The following DYNC1I1 variants were observed in gnomAD, a reference collection of about 807,000 sequenced individuals.
DYNC1I1 encodes the protein cytoplasmic dynein 1 intermediate chain 1.
Under a neutral mutation model 86.6 loss-of-function variants are expected in DYNC1I1, and 43 were observed. The observed-to-expected ratio is 0.50, with a 90% confidence interval of 0.39 to 0.64. The LOEUF is 0.64. DYNC1I1 is among the 30% of genes least tolerant of loss of function. The pLI is 0.00. For missense variants in DYNC1I1, 604 were observed against 788.8 expected, an observed-to-expected ratio of 0.77 and a Z score of 2.81; for synonymous variants, 262 against 283.7, an observed-to-expected ratio of 0.92 and a Z score of 0.77.
chr7:95,959,758 G>T (rs1199170524), intron 6 of DYNC1I1, among the ~76,000 whole-genome samples: 1 of 152,080 alleles, frequency 6.6e-6, no homozygotes, highest in Admixed American at 6.5e-5. Flanking sequence ...GTTAAATGGT[G>T]CTATTAATAG....
At chr7:95,824,144 C>G (rs1037047161) in intron 4 of DYNC1I1, among the ~76,000 whole-genome samples, 5 of 150,890 alleles carry the variant, frequency 3.3e-5, no homozygotes, top group African/African-American at 1.2e-4. Context: ...GCGAGCACCA[C>G]CATACCCGGC....
chr7:95,955,828 C>A (rs1562955270), intron 6 of DYNC1I1, among the ~76,000 whole-genome samples: 2 of 152,274 alleles, frequency 1.3e-5, no homozygotes, highest in African/African-American at 2.4e-5. Flanking sequence ...ACTCTTAATG[C>A]ATGTTAAGGA....
At chr7:96,039,864 C>T (rs1348985383) in intron 14 of DYNC1I1, among the ~76,000 whole-genome samples, 7 of 151,516 alleles carry the variant, frequency 4.6e-5, no homozygotes, top group African/African-American at 7.3e-5. Flanking sequence ...TTGTTTGGTT[C>T]GTTGATTGGT....
At position 96,098,307 on chromosome 7, in the gene DYNC1I1, T is replaced by C. The variant is rs909719434; in HGVS notation, c.*714T>C. ...TAATGCCTATTATTTCTGGGTACTT[T>C]AACAATATTTCAAATATCATTGACC... is the stretch of plus-strand genomic sequence containing the variant. On this transcript the variant is annotated 3_prime_UTR_variant, in exon 17 of 17. Transcript: ENST00000447467. 5.1e-6 allele frequency: 5 copies of C among 985,760 alleles called. No homozygotes were observed. The highest frequency in any genetic ancestry group is 6.0e-6 in the Non-Finnish European group (5 of 829,946). 61.1% of individuals were successfully genotyped at this position (985,760 alleles called of 1,614,324 possible).
intron 10 of DYNC1I1, among the ~76,000 whole-genome samples, chr7:96,008,124 A>C (rs1794187315): frequency 6.6e-6 from 1 of 152,210 alleles, no homozygotes; most frequent in African/African-American, 2.4e-5. Flanking sequence ...CATATGTTTA[A>C]TTTGAGTAAC....
intron 1 of DYNC1I1, among the ~76,000 whole-genome samples, chr7:95,791,493 T>C (rs1794301125): frequency 6.6e-6 from 1 of 152,216 alleles, no homozygotes; most frequent in Non-Finnish European, 1.5e-5. Context: ...TTTTTAGACA[T>C]GTTCATTTAT....
intron 11 of DYNC1I1, among the ~76,000 whole-genome samples, chr7:96,029,271 G>A (rs1249083078): frequency 2.6e-5 from 4 of 152,164 alleles, no homozygotes; most frequent in African/African-American, 7.2e-5. Flanking sequence ...ACTTGCAGGT[G>A]AAACTAGTTC....
At chr7:96,058,694 G>A (rs1198127453) in intron 14 of DYNC1I1, among the ~76,000 whole-genome samples, 1 of 151,964 alleles carries the variant, frequency 6.6e-6, no homozygotes, top group Non-Finnish European at 1.5e-5. Flanking sequence ...GAGTGCAGCA[G>A]TGCGATCTCA....
chr7:96,044,779 G>A (rs939529078), intron 14 of DYNC1I1, among the ~76,000 whole-genome samples: 1 of 152,186 alleles, frequency 6.6e-6, no homozygotes, highest in Non-Finnish European at 1.5e-5. Context: ...TGAGTGGGAA[G>A]TGGAGCTACT....
At chr7:96,107,533 C>G (rs1281575770) in intron 16 of DYNC1I1, among the ~76,000 whole-genome samples, 1 of 138,862 alleles carries the variant, frequency 7.2e-6, no homozygotes, top group Non-Finnish European at 1.6e-5. Flanking sequence ...GTAATTTCTT[C>G]TTTTTTTTTT....
chr7:95,987,253 T>C, intron 9 of DYNC1I1, 98 bp downstream of exon 9: 2 of 1,054,718 alleles, frequency 1.9e-6, no homozygotes, highest in Non-Finnish European at 2.8e-6. Context: ...CGATTTCCTC[T>C]CTATGCCTGT....
intron 10 of DYNC1I1, among the ~76,000 whole-genome samples, chr7:96,000,205 C>A (rs1793975770): frequency 6.6e-6 from 1 of 152,070 alleles, no homozygotes; most frequent in African/African-American, 2.4e-5. Context: ...AGTATGAATT[C>A]CTGGGATTCA....
At chr7:96,000,822 A>G (rs553729037) in intron 10 of DYNC1I1, among the ~76,000 whole-genome samples, 15 of 152,304 alleles carry the variant, frequency 9.8e-5, no homozygotes, top group African/African-American at 3.4e-4. Flanking sequence ...GCTGGATTCT[A>G]GCAAAGAGAT....
chr7:95,801,338 T>A (rs2115776969), intron 1 of DYNC1I1, among the ~76,000 whole-genome samples: 1 of 152,388 alleles, frequency 6.6e-6, no homozygotes, highest in African/African-American at 2.4e-5. Context: ...ACATATTTAT[T>A]ATTTGCAAGA....
At chr7:95,989,531 C>T (rs1562964850) in intron 9 of DYNC1I1, among the ~76,000 whole-genome samples, 1 of 152,188 alleles carries the variant, frequency 6.6e-6, no homozygotes, top group Non-Finnish European at 1.5e-5. Flanking sequence ...ACACATTCCT[C>T]AAAGGCAACT....
chr7:95,991,553 C>T (rs1041759165), intron 9 of DYNC1I1, among the ~76,000 whole-genome samples: 1 of 152,148 alleles, frequency 6.6e-6, no homozygotes, highest in South Asian at 2.1e-4. Context: ...TCCTGTGTCT[C>T]AGTTCAAAGT....
intron 6 of DYNC1I1, among the ~76,000 whole-genome samples, chr7:95,893,416 A>G (rs1790796975): frequency 6.6e-6 from 1 of 152,244 alleles, no homozygotes; most frequent in Non-Finnish European, 1.5e-5. Context: ...ATGATACTAT[A>G]TTAAAGGGTT....
chr7:95,872,985 A>T (rs1039213756), intron 6 of DYNC1I1, among the ~76,000 whole-genome samples: 6 of 152,176 alleles, frequency 3.9e-5, no homozygotes, highest in Non-Finnish European at 7.3e-5. Context: ...AACGACAAAG[A>T]TAATGCCAGA....
chr7:96,092,325 A>G (rs1263970813), intron 16 of DYNC1I1, among the ~76,000 whole-genome samples: 2 of 152,242 alleles, frequency 1.3e-5, no homozygotes, highest in African/African-American at 4.8e-5. Flanking sequence ...ATAGTGTACA[A>G]GCACTGTGTT....
Sources: allele counts gnomAD v4.1 joint callset (sites outside exome capture counted in the v4.1 genomes callset), GRCh38; gene constraint gnomAD v4.1.1; transcripts MANE v1.5; gene names NCBI Gene and HGNC (gene_info 2026-07-23, HGNC 2026-07-21).